SMYD2: variants seen among roughly 807,000 people sequenced by gnomAD.
The protein encoded by SMYD2 is N-lysine methyltransferase SMYD2.
In SMYD2, 53 loss-of-function variants were observed where a neutral mutation model predicts 59.1. The observed-to-expected ratio is 0.90, with a 90% CI of 0.72 to 1.13. The LOEUF is 1.13. Ranked by LOEUF, SMYD2 falls within the 50% of genes most tolerant of loss-of-function variation. The pLI is 0.00. For synonymous variants in SMYD2, 208 were observed against 198.8 expected (o/e 1.05, Z -0.39); for missense variants, 494 against 544.7 (o/e 0.91, Z 0.93).
Position 214,330,157 on chromosome 1 carries a change from G to A in SMYD2, c.706-11G>A, listed in dbSNP as rs371587839. 2 of 1,566,692 alleles carry A rather than the reference G, an allele frequency of 1.3e-6. No homozygotes were observed. Among genetic ancestry groups the A allele is most frequent in the Non-Finnish European group, 1.7e-6 (2 of 1,144,504 alleles). ...TAGCAGACTGAAGCTTTATCTTTTT[G>A]GACCCCGTAGGTTTTTACCAGCTAT... On this transcript the variant is annotated splice_polypyrimidine_tract_variant and intron_variant, in intron 7 of 11. Coordinates refer to ENST00000366957, the MANE Select transcript of SMYD2 (RefSeq NM_020197.3).
chr1:214,324,569 T>G, intron 5 of SMYD2, 72 bp from the exon 6 acceptor site: 1 of 1,354,938 alleles, frequency 7.4e-7, no homozygotes, highest in South Asian at 1.3e-5. Context: ...AAGTCAAAAT[T>G]TAAAAAAATG....
chr1:214,315,954 G>A (rs1334984095), intron 3 of SMYD2, among the ~76,000 whole-genome samples: 5 of 152,172 alleles, frequency 3.3e-5, no homozygotes, highest in African/African-American at 1.2e-4. Flanking sequence ...ACTGTTCTCC[G>A]CCTGGTCTGG....
intron 1 of SMYD2, among the ~76,000 whole-genome samples, chr1:214,304,581 A>AAAAAAAAAAAC (rs1656886803): frequency 2.0e-5 from 3 of 151,396 alleles, no homozygotes; most frequent in African/African-American, 7.3e-5. Flanking sequence ...AAAAAAAAAA[A>AAAAAAAAAAAC]AGCATCTATC....
rs1353006494 is a variant in SMYD2, at chr1:214,319,397, T to G, written c.534+414T>G. On this transcript the variant is annotated intron_variant, in intron 5 of 11. Coordinates refer to ENST00000366957, the MANE Select transcript of SMYD2 (RefSeq NM_020197.3). ...TTTTTCACTCTAACCAAGGCTGCAC[T>G]GATAGGAGGGCCCTTTGTGATGGCC... 2.6e-5 allele frequency among the ~76,000 whole-genome samples: 4 copies of G among 152,328 alleles called. No homozygotes were observed. The East Asian group carries it at 7.7e-4, about 29-fold the overall frequency.
At chr1:214,299,810 G>T (rs1209965629) in intron 1 of SMYD2, among the ~76,000 whole-genome samples, 9 of 152,140 alleles carry the variant, frequency 5.9e-5, no homozygotes, top group Admixed American at 5.2e-4. Context: ...GCTTCACCGT[G>T]TTAGCCAGGA....
At chr1:214,325,430 A>G (rs1657244857) in intron 6 of SMYD2, among the ~76,000 whole-genome samples, 1 of 152,228 alleles carries the variant, frequency 6.6e-6, no homozygotes. Flanking sequence ...GCATCCCCCC[A>G]GCCTCCAAAT....
At chr1:214,305,716 G>T (rs1052480243) in intron 2 of SMYD2, among the ~76,000 whole-genome samples, 3 of 36,258 alleles carry the variant, frequency 8.3e-5, no homozygotes, top group African/African-American at 2.4e-4. Context: ...ATAGCCAGAG[G>T]GGGGGCTATT....
chr1:214,292,764 G>A (rs1656657427), intron 1 of SMYD2, among the ~76,000 whole-genome samples: 1 of 152,010 alleles, frequency 6.6e-6, no homozygotes, highest in African/African-American at 2.4e-5. Flanking sequence ...ATCGTATCCA[G>A]CATTATCCCT....
intron 1 of SMYD2, among the ~76,000 whole-genome samples, chr1:214,297,426 CT>C (rs1177162713): frequency 6.6e-6 from 1 of 151,968 alleles, no homozygotes; most frequent in Non-Finnish European, 1.5e-5. Flanking sequence ...ACGACTGTGT[CT>C]TTTGTAGGAA....
At chr1:214,309,886 G>A (rs1656971824) in intron 2 of SMYD2, among the ~76,000 whole-genome samples, 1 of 152,180 alleles carries the variant, frequency 6.6e-6, no homozygotes, top group Middle Eastern at 3.2e-3. Context: ...GGCCATCTTT[G>A]TATAAGGTGG....
At chr1:214,331,396 T>TTTA in intron 9 of SMYD2, 1 of 259,494 alleles carries the variant, frequency 3.9e-6, no homozygotes, top group Non-Finnish European at 7.6e-6. Context: ...CTTGCTTATT[T>TTTA]CAGCTCTCCT....
intron 2 of SMYD2, among the ~76,000 whole-genome samples, chr1:214,309,954 A>G (rs1656973881): frequency 6.6e-6 from 1 of 152,234 alleles, no homozygotes; most frequent in Admixed American, 6.5e-5. Context: ...GCTAGTGGAA[A>G]GCAGAAATCC....
chr1:214,337,075 C>A lies in SMYD2; in HGVS notation c.*291C>A. 1 of 270,572 alleles carries A rather than the reference C, an allele frequency of 3.7e-6. No homozygotes were observed. The highest frequency in any genetic ancestry group is 6.9e-6 in the Non-Finnish European group (1 of 144,218). The allele number at this position is 270,572 out of a possible 1,614,324, so 16.8% of individuals were successfully genotyped here. A position where few individuals can be genotyped will look rare whatever the true frequency, so the allele number is the denominator to read the frequency against. ...AAATGGAATTATTTTTTCTTTCATGCCTCTTGTAATGTTCTGAACAAACTT... is the reference window on the plus strand; with the variant it reads ...AAATGGAATTATTTTTTCTTTCATGACTCTTGTAATGTTCTGAACAAACTT... On this transcript the variant is annotated 3_prime_UTR_variant, in exon 12 of 12. Transcript: ENST00000366957.
intron 5 of SMYD2, among the ~76,000 whole-genome samples, chr1:214,323,195 G>A (rs751424411): frequency 3.9e-5 from 6 of 152,094 alleles, no homozygotes; most frequent in Non-Finnish European, 4.4e-5. Flanking sequence ...ATCACCTACC[G>A]AATTGTCTCC....
chr1:214,305,239 G>T lies in SMYD2; in HGVS notation c.226G>T (p.Val76Leu). 2 of 1,614,232 alleles carry T rather than the reference G, an allele frequency of 1.2e-6. No homozygotes were observed. Among genetic ancestry groups the T allele is most frequent in the Non-Finnish European group, 1.7e-6 (2 of 1,180,032 alleles). The change falls in exon 2 of 12, where the codon GTG becomes TTG. Residue 76 changes from valine (V) to leucine (L), a missense_variant. Physicochemically the swap from Val to Leu is conservative, Grantham distance 32 (BLOSUM62 1). Transcript: ENST00000366957. ...GRCKQAFYCNVECQKEDWPMH... is the reference protein window; with the variant it reads ...GRCKQAFYCNLECQKEDWPMH... ...ATGCAAGCAGGCATTTTACTGCAATGTGGAGTGTCAGGTAGGTGCTGGGCC... is the reference window on the plus strand; with the variant it reads ...ATGCAAGCAGGCATTTTACTGCAATTTGGAGTGTCAGGTAGGTGCTGGGCC...
intron 11 of SMYD2, among the ~76,000 whole-genome samples, chr1:214,335,479 T>C (rs1419467722): frequency 6.6e-6 from 1 of 152,236 alleles, no homozygotes; most frequent in Non-Finnish European, 1.5e-5. Flanking sequence ...CTTGCACTGT[T>C]ACTTGGCCTG....
chr1:214,332,418 A>G (rs1571936072), intron 10 of SMYD2: 1 of 508,472 alleles, frequency 2.0e-6, no homozygotes. Context: ...ATACTGGGGC[A>G]AGATCCCTCC....
chr1:214,305,061 G>A (rs1656894911), intron 1 of SMYD2, 126 bp from the exon 2 acceptor site: 1 of 841,032 alleles, frequency 1.2e-6, no homozygotes, highest in Non-Finnish European at 2.0e-6. Context: ...CTTCTCAGTG[G>A]GAGAGTAAGG....
At chr1:214,302,068 G>A (rs184494761) in intron 1 of SMYD2, among the ~76,000 whole-genome samples, 2 of 152,092 alleles carry the variant, frequency 1.3e-5, no homozygotes, top group Non-Finnish European at 2.9e-5. Context: ...CCAGCCAGGC[G>A]CGGTATCTCA....
Sources: gnomAD v4.1 joint callset for allele counts (sites outside exome capture counted in the v4.1 genomes callset) on GRCh38, gnomAD v4.1.1 for gene constraint, MANE v1.5 for transcripts, NCBI Gene and HGNC (gene_info 2026-07-23, HGNC 2026-07-21) for gene names.